The following DPP10 variants were observed in gnomAD, a reference collection of about 807,000 sequenced individuals.
DPP10 encodes the protein dipeptidyl peptidase like 10, also known as inactive dipeptidyl peptidase 10.
DPP10 carries 33 observed loss-of-function variants against 120.9 expected under a neutral mutation model. That is an observed-to-expected ratio of 0.27 (90% CI 0.21 to 0.37). DPP10 has a LOEUF of 0.37. Ranked by LOEUF, DPP10 falls within the 10% of genes least tolerant of loss-of-function variation. DPP10 has a pLI of 1.00. For synonymous variants in DPP10, 337 were observed against 326.1 expected (o/e 1.03, Z -0.36); for missense variants, 816 against 942.8 (o/e 0.87, Z 1.76).
intron 1 of DPP10, among the ~76,000 whole-genome samples, chr2:115,235,624 C>G (rs2057959225): frequency 6.6e-6 from 1 of 151,984 alleles, no homozygotes; most frequent in African/African-American, 2.4e-5. Context: ...TGCAGTGGTG[C>G]AATCCCAGCT....
In DPP10 at chr2:115,424,459, G is replaced by A. The variant is rs569019053; in HGVS notation, c.272-75051G>A. 3.3e-5 allele frequency among the ~76,000 whole-genome samples: 5 copies of A among 151,432 alleles called. No individual in the cohort carries two copies. In the South Asian group the frequency reaches 1.0e-3, roughly 32 times the overall value. On this transcript the variant is annotated intron_variant, in intron 3 of 25. Transcript: ENST00000410059. ...TTATTCTGCCTTAGTGTACTGTCAA[G>A]ATAAATTATCAGCAGATAGGAAAAC...
At chr2:114,795,405 C>T (rs912769486) in intron 1 of DPP10, among the ~76,000 whole-genome samples, 7 of 151,944 alleles carry the variant, frequency 4.6e-5, no homozygotes, top group East Asian at 1.9e-4. Flanking sequence ...GCAGGAGAAT[C>T]GCTTGAACCT....
intron 1 of DPP10, among the ~76,000 whole-genome samples, chr2:114,648,767 C>T (rs915975506): frequency 1.3e-5 from 2 of 152,064 alleles, no homozygotes; most frequent in African/African-American, 4.8e-5. Context: ...GTCAGGTGCA[C>T]CCAATGCTAA....
At chr2:115,607,371 A>T (rs1036049903) in intron 5 of DPP10, among the ~76,000 whole-genome samples, 2 of 152,212 alleles carry the variant, frequency 1.3e-5, no homozygotes, top group African/African-American at 4.8e-5. Context: ...GTAAAAGGGA[A>T]CATATGAAAG....
At chr2:115,389,337 T>C (rs951810978) in intron 3 of DPP10, among the ~76,000 whole-genome samples, 6 of 150,986 alleles carry the variant, frequency 4.0e-5, no homozygotes, top group Non-Finnish European at 8.9e-5. Flanking sequence ...TTGAACTACA[T>C]GTGGCTTACT....
chr2:114,608,333 C>G (rs1692992639), intron 1 of DPP10, among the ~76,000 whole-genome samples: 1 of 151,988 alleles, frequency 6.6e-6, no homozygotes, highest in Admixed American at 6.6e-5. Context: ...TCTCCAAATT[C>G]AGAAATGAAC....
rs569962245 is a variant in DPP10 at position 114,647,260 on chromosome 2, G to C, written c.60+204422G>C. Among the ~76,000 whole-genome samples, 4 of 152,258 alleles carry C rather than the reference G, an allele frequency of 2.6e-5. No individual in the cohort carries two copies. In the East Asian group the frequency reaches 7.7e-4, roughly 29 times the overall value. ...ACTTTCCCTGTTTTGGGTGTAGGGG[G>C]AGAAAGAATTTCCCATTGGCTGTCT... On this transcript the variant is annotated intron_variant, in intron 1 of 25. Coordinates refer to ENST00000410059, the MANE Select transcript of DPP10 (RefSeq NM_020868.6).
intron 2 of DPP10, among the ~76,000 whole-genome samples, chr2:115,340,750 G>T (rs1035303881): frequency 1.9e-4 from 28 of 151,298 alleles, no homozygotes; most frequent in African/African-American, 6.0e-4. Flanking sequence ...GCATATAAAA[G>T]AAATTTATAT....
chr2:115,190,426 C>T (rs1409620095), intron 1 of DPP10, among the ~76,000 whole-genome samples: 3 of 152,028 alleles, frequency 2.0e-5, no homozygotes, highest in African/African-American at 2.4e-5. Context: ...TCTAATTACT[C>T]GGCAGAGTAC....
At chr2:115,641,214 G>C (rs116816647) in intron 5 of DPP10, among the ~76,000 whole-genome samples, 2,377 of 152,122 alleles carry the variant, frequency 0.016, 52 homozygotes, top group African/African-American at 0.05. Context: ...CCTGTGTTCT[G>C]TCTGCTTCCA....
intron 2 of DPP10, among the ~76,000 whole-genome samples, chr2:115,329,001 T>C (rs924894602): frequency 8.5e-5 from 13 of 152,204 alleles, no homozygotes; most frequent in African/African-American, 2.9e-4. Context: ...TTTATTACAG[T>C]ATGCTGGGCA....
At chr2:115,285,884 A>G (rs1017494170) in intron 1 of DPP10, among the ~76,000 whole-genome samples, 5 of 152,042 alleles carry the variant, frequency 3.3e-5, no homozygotes, top group Admixed American at 6.6e-5. Context: ...ATTGTAGTTA[A>G]TGAAGCATTT....
intron 1 of DPP10, among the ~76,000 whole-genome samples, chr2:115,045,586 AT>A (rs1257827734): frequency 6.6e-6 from 1 of 152,158 alleles, no homozygotes. Context: ...AAGTCCCGCA[AT>A]CACTGCACTC....
intron 1 of DPP10, among the ~76,000 whole-genome samples, chr2:115,133,679 G>A (rs1159560545): frequency 2.0e-5 from 3 of 152,080 alleles, no homozygotes; most frequent in African/African-American, 7.2e-5. Context: ...AGGAAGTAAA[G>A]CTTTGCCTGC....
At position 114,469,305 on chromosome 2, in the gene DPP10, A is replaced by G. The variant is rs368625595; in HGVS notation, c.60+26467A>G. ...AAATGGACTAAATGTTGAGAATACT[A>G]AGTACTTATTAAACAAGAGAGGATT... On this transcript the variant is annotated intron_variant, in intron 1 of 25. Transcript: ENST00000410059. 9.2e-5 allele frequency among the ~76,000 whole-genome samples: 14 copies of G among 152,386 alleles called. No individual in the cohort carries two copies. The East Asian group carries it at 2.5e-3, about 27-fold the overall frequency.
intron 3 of DPP10, among the ~76,000 whole-genome samples, chr2:115,381,930 G>A (rs1194020653): frequency 6.6e-6 from 1 of 152,126 alleles, no homozygotes. Context: ...CCAGCTGCGT[G>A]CTGGGAGAAC....
intron 3 of DPP10, among the ~76,000 whole-genome samples, chr2:115,485,238 CAAAAA>C (rs70941066): frequency 2.4e-5 from 3 of 123,236 alleles, no homozygotes; most frequent in African/African-American, 8.8e-5. Flanking sequence ...AACACTGTTC[CAAAAA>C]AAAAAAAAAA....
chr2:115,100,559 CAT>C (rs1491095269), intron 1 of DPP10, among the ~76,000 whole-genome samples: 8 of 151,518 alleles, frequency 5.3e-5, no homozygotes, highest in Non-Finnish European at 1.0e-4. Flanking sequence ...TGTGTATGTA[CAT>C]GTGTGTGTGT....
chr2:115,150,840 T>C (rs1271600470), intron 1 of DPP10, among the ~76,000 whole-genome samples: 1 of 152,250 alleles, frequency 6.6e-6, no homozygotes, highest in Non-Finnish European at 1.5e-5. Context: ...ACAATTTTCA[T>C]ATATATTAGA....
Sources: gnomAD v4.1 joint callset for allele counts (sites outside exome capture counted in the v4.1 genomes callset) on GRCh38, gnomAD v4.1.1 for gene constraint, MANE v1.5 for transcripts, NCBI Gene and HGNC (gene_info 2026-07-23, HGNC 2026-07-21) for gene names.